The following LLGL2 variants were observed in gnomAD, a reference collection of about 807,000 sequenced individuals.
The protein encoded by LLGL2 is LLGL2, scribble cell polarity complex component.
LLGL2 carries 81 observed loss-of-function variants against 123.2 expected under a neutral mutation model. That is an observed-to-expected ratio of 0.66 (90% CI 0.55 to 0.79). The LOEUF (loss-of-function observed/expected upper bound fraction) is 0.79, where lower values mean the gene tolerates loss of function less well. Ranked by LOEUF, LLGL2 falls within the 30% of genes least tolerant of loss-of-function variation. The pLI, the probability that LLGL2 is intolerant of heterozygous loss-of-function variation, is 0.00. For missense variants in LLGL2, 1,273 were observed against 1,414.6 expected (o/e 0.90, Z 1.61); for synonymous variants, 577 against 594.1 (o/e 0.97, Z 0.42).
Position 75,549,224 on chromosome 17 carries a change from A to G in LLGL2, c.75+5723A>G, listed in dbSNP as rs1037400495. ...CAGACAAGTCAGCTGCAGCACCAGG[A>G]CAGGGCCACTGAGGACCAAGGGAAG... On this transcript the variant is annotated intron_variant, in intron 2 of 25. Coordinates refer to ENST00000392550, the MANE Select transcript of LLGL2 (RefSeq NM_001031803.2). The surrounding 1 kb of genome is among the most constrained non-coding windows in gnomAD (Gnocchi z 4.0). Among the ~76,000 whole-genome samples the G allele has an allele frequency of 7.9e-5, 12 of 152,152 alleles. No homozygotes were observed. The highest frequency in any genetic ancestry group is 1.6e-4 in the Non-Finnish European group (11 of 68,012).
chr17:75,568,305 T>C (rs998188524), intron 10 of LLGL2, 171 bp from the exon 11 acceptor site: 4 of 1,436,444 alleles, frequency 2.8e-6, no homozygotes, highest in Non-Finnish European at 3.6e-6. Flanking sequence ...GAGCCAGGGC[T>C]ACTGCCCACA....
chr17:75,574,992 A>G lies in LLGL2; in HGVS notation c.*114A>G. Reference sequence around the variant, plus strand: ...CAGGGCCCCGCCAGGGGCTGGGGGCATCCCGGCTTCCACAATGCAGCTGCT... The same window carrying G: ...CAGGGCCCCGCCAGGGGCTGGGGGCGTCCCGGCTTCCACAATGCAGCTGCT... On this transcript the variant is annotated 3_prime_UTR_variant, in exon 26 of 26. Coordinates refer to ENST00000392550, the MANE Select transcript of LLGL2 (RefSeq NM_001031803.2). The G allele has an allele frequency of 1.4e-6, 2 of 1,476,770 alleles. No individual in the cohort carries two copies. The highest frequency in any genetic ancestry group is 1.9e-6 in the Non-Finnish European group (2 of 1,056,824). The allele number at this position is 1,476,770 out of a possible 1,614,324, so 91.5% of individuals were successfully genotyped here. A position where few individuals can be genotyped will look rare whatever the true frequency, so the allele number is the denominator to read the frequency against.
chr17:75,532,077 C>CACACACACACACACACTT (rs58220046), intron 1 of LLGL2, among the ~76,000 whole-genome samples: 3 of 83,996 alleles, frequency 3.6e-5, no homozygotes, highest in African/African-American at 7.7e-5. Context: ...CACACACACA[C>CACACACACACACACACTT]TTTTTTTTTT....
intron 2 of LLGL2, among the ~76,000 whole-genome samples, chr17:75,545,750 G>A (rs2054393925): frequency 6.6e-6 from 1 of 152,176 alleles, no homozygotes; most frequent in Admixed American, 6.5e-5. Flanking sequence ...GGCAAGGCAG[G>A]TAAGCTCAGA....
At chr17:75,533,910 T>C (rs2053906124) in intron 1 of LLGL2, among the ~76,000 whole-genome samples, 1 of 152,190 alleles carries the variant, frequency 6.6e-6, no homozygotes, top group Admixed American at 6.5e-5. Context: ...GGGAGCTGTT[T>C]AAATAAAATT....
At chr17:75,530,611 C>T (rs2053745690) in intron 1 of LLGL2, among the ~76,000 whole-genome samples, 3 of 149,860 alleles carry the variant, frequency 2.0e-5, no homozygotes, top group African/African-American at 7.4e-5. Flanking sequence ...GATCGCGCCA[C>T]TGCACTCCAG....
chr17:75,559,717 G>C lies in LLGL2; in HGVS notation c.530+307G>C, dbSNP rs115163832. Among the ~76,000 whole-genome samples the C allele has an allele frequency of 1.8e-3, 280 of 152,340 alleles. 1 individual carries two copies. Among genetic ancestry groups the C allele is most frequent in the African/African-American group, 6.5e-3 (270 of 41,578 alleles). On this transcript the variant is annotated intron_variant, in intron 6 of 25. Coordinates refer to ENST00000392550, the MANE Select transcript of LLGL2 (RefSeq NM_001031803.2). This position sits in a 1 kb window ranked among gnomAD's most constrained non-coding sequence, Gnocchi z 4.6. ...ACTTGCCATGGGTTTCAGAACCCCA[G>C]GGGCTCCGCAGCGGGGAAGTCGGGC...
rs769349711 is a variant in LLGL2 at position 75,570,065 on chromosome 17, G to A, written c.1684G>A (p.Glu562Lys). 1.2e-5 allele frequency: 20 copies of A among 1,612,508 alleles called. No homozygotes were observed. The highest frequency in any genetic ancestry group is 2.2e-5 in the East Asian group (1 of 44,874). ...DQEGYRWKGH[E>K]RLAARSGPVR... ...AGAGGGCTACCGCTGGAAGGGGCAC[G>A]AGCGCCTGGCAGCCCGCTCAGGGCC... The change falls in exon 15 of 26, where the codon GAG becomes AAG. Residue 562 changes from glutamate (E) to lysine (K), a missense_variant. Coordinates refer to ENST00000392550, the MANE Select transcript of LLGL2 (RefSeq NM_001031803.2).
In LLGL2 at chr17:75,556,123, C is replaced by T. The variant is rs150649144; in HGVS notation, c.153C>T (p.Thr51=). ...SPSLRILAIG[T]RSGAIKLYGA... is the part of the protein sequence containing the mutation. ...CCCTGCGCATCCTGGCCATCGGCAC[C>T]CGTTCTGGAGCCATCAAGCTGTATC... The change falls in exon 3 of 26, where the codon ACC becomes ACT. Residue 51 remains threonine (T), a synonymous_variant. Coordinates refer to ENST00000392550, the MANE Select transcript of LLGL2 (RefSeq NM_001031803.2). 3.5e-5 allele frequency: 56 copies of T among 1,610,120 alleles called. No homozygotes were observed. In the African/African-American group the frequency reaches 7.1e-4, roughly 20 times the overall value.
chr17:75,568,763 T>C lies in LLGL2; in HGVS notation c.1255-9T>C, dbSNP rs777227966. 1.6e-5 allele frequency: 26 copies of C among 1,609,028 alleles called. No individual in the cohort carries two copies. In the South Asian group the frequency reaches 2.0e-4, roughly 12 times the overall value. ...ACTCTCCCATGGACTTCTTGGTCTCTTTTTCTAGGAGTGGCCAATTGATGG... is the reference window on the plus strand; with the variant it reads ...ACTCTCCCATGGACTTCTTGGTCTCCTTTTCTAGGAGTGGCCAATTGATGG... On this transcript the variant is annotated splice_polypyrimidine_tract_variant and intron_variant, in intron 11 of 25. Transcript: ENST00000392550.
intron 8 of LLGL2, 22 bp downstream of exon 8, chr17:75,563,485 C>T: frequency 6.2e-7 from 1 of 1,609,960 alleles, no homozygotes. Context: ...ACCCGCCGGG[C>T]AGGGCCCACC....
At chr17:75,541,075 G>A (rs2054188045) in intron 1 of LLGL2, among the ~76,000 whole-genome samples, 1 of 152,208 alleles carries the variant, frequency 6.6e-6, no homozygotes, top group South Asian at 2.1e-4. Context: ...TTGGGTGGGT[G>A]GGTGGTGCTC....
chr17:75,543,238 G>T (rs2054285068), intron 1 of LLGL2, 159 bp from the exon 2 acceptor site: 2 of 451,676 alleles, frequency 4.4e-6, no homozygotes, highest in Non-Finnish European at 8.0e-6. Context: ...TGAGCGTGGG[G>T]AAGCCAGGGT....
intron 3 of LLGL2, among the ~76,000 whole-genome samples, chr17:75,557,584 C>G (rs2054973270): frequency 6.6e-6 from 1 of 152,230 alleles, no homozygotes; most frequent in South Asian, 2.1e-4. Flanking sequence ...TCCAGCGGAG[C>G]CTGACCTCCC....
Position 75,559,464 on chromosome 17 carries a change from T to C in LLGL2, c.530+54T>C, listed in dbSNP as rs1278055866. ...TCCATCCCCTCAAGTTAGGCATGGC[T>C]TCTCCCCTTGGTCCCAGGACTCTGT... On this transcript the variant is annotated intron_variant, in intron 6 of 25. Transcript: ENST00000392550. This position sits in a 1 kb window ranked among gnomAD's most constrained non-coding sequence, Gnocchi z 4.6. The C allele has an allele frequency of 6.5e-7, 1 of 1,542,624 alleles. No homozygotes were observed. Among genetic ancestry groups the C allele is most frequent in the Non-Finnish European group, 8.7e-7 (1 of 1,145,440 alleles).
chr17:75,550,450 T>C (rs1598564747), intron 2 of LLGL2, among the ~76,000 whole-genome samples: 1 of 111,264 alleles, frequency 9.0e-6, no homozygotes, highest in South Asian at 2.9e-4. Flanking sequence ...CTGGTAGGAG[T>C]TGGGGGTGGG....
rs1454907673 is a variant in LLGL2 at position 75,553,325 on chromosome 17, G to A, written c.76-2721G>A. ...AAAGGCCAGGCCTGAGGCACCCCCC[G>A]TCTCCCCCGACCTTTTTGTCTCCAG... On this transcript the variant is annotated intron_variant, in intron 2 of 25. Transcript: ENST00000392550. 1.3e-4 allele frequency among the ~76,000 whole-genome samples: 20 copies of A among 152,112 alleles called. No homozygotes were observed. In the South Asian group the frequency reaches 3.7e-3, roughly 28 times the overall value.
At position 75,568,633 on chromosome 17, in the gene LLGL2, G is replaced by A. The variant is rs1053554700; in HGVS notation, c.1194G>A (p.Leu398=). 1 of 1,613,888 alleles carries A rather than the reference G, an allele frequency of 6.2e-7. No individual in the cohort carries two copies. The highest frequency in any genetic ancestry group is 8.5e-7 in the Non-Finnish European group (1 of 1,180,038). ...CTCACCACGTCTCCAACATCCCGCTGAAGCTGTGGGAGCGGATCATTGCCG... is the reference window on the plus strand; with the variant it reads ...CTCACCACGTCTCCAACATCCCGCTAAAGCTGTGGGAGCGGATCATTGCCG... The part of the protein sequence containing the change: ...TCSHHVSNIP[L]KLWERIIAAG... The change falls in exon 11 of 26, where the codon CTG becomes CTA. Residue 398 remains leucine (L), a synonymous_variant. Transcript: ENST00000392550.
In LLGL2 at chr17:75,558,923, C is replaced by T. The variant is rs111233497; in HGVS notation, c.371+296C>T. ...CACACCACGCCTCCTCCATCCGCAC[C>T]CCACCTCCTCCATCCGCACCCCGCC... On this transcript the variant is annotated intron_variant, in intron 5 of 25. Transcript: ENST00000392550. This position sits in a 1 kb window ranked among gnomAD's most constrained non-coding sequence, Gnocchi z 4.0. 6.4e-4 allele frequency: 205 copies of T among 321,666 alleles called. 1 individual carries two copies. The highest frequency in any genetic ancestry group is 1.8e-3 in the Middle Eastern group (2 of 1,108). The allele number at this position is 321,666 out of a possible 1,614,324, so 19.9% of individuals were successfully genotyped here.
Sources: gnomAD v4.1 joint callset for allele counts (sites outside exome capture counted in the v4.1 genomes callset) on GRCh38, gnomAD v4.1.1 for gene constraint, Gnocchi (gnomAD v3.1) non-coding constraint, MANE v1.5 for transcripts, NCBI Gene and HGNC (gene_info 2026-07-23, HGNC 2026-07-21) for gene names.